The following ITGB5 variants were observed in gnomAD, a reference collection of about 807,000 sequenced individuals.
The protein encoded by ITGB5 is integrin beta-5.
A neutral mutation model predicts 84.8 loss-of-function variants in ITGB5; 38 were observed. The observed-to-expected ratio is 0.45, with a 90% CI of 0.35 to 0.59. The LOEUF is 0.59. ITGB5 is among the 20% of genes least tolerant of loss of function. The probability of loss-of-function intolerance (pLI) is 0.01; values close to 1 mark genes in which losing one functional copy is unlikely to be tolerated. For synonymous variants in ITGB5, 393 were observed against 414.4 expected, an observed-to-expected ratio of 0.95 and a Z score of 0.63; for missense variants, 905 against 1,034.5, an observed-to-expected ratio of 0.87 and a Z score of 1.72.
chr3:124,895,023 A>G (rs1438653425), intron 1 of ITGB5, among the ~76,000 whole-genome samples: 1 of 151,662 alleles, frequency 6.6e-6, no homozygotes, highest in Non-Finnish European at 1.5e-5. Context: ...CATGTGGCCC[A>G]CAGGCCACAG....
rs1934856479 is a variant in ITGB5 at position 124,887,073 on chromosome 3, A to G, written c.-73T>C. On this transcript the variant is annotated 5_prime_UTR_variant, in exon 1 of 15. Coordinates refer to ENST00000296181, the MANE Select transcript of ITGB5 (RefSeq NM_002213.5). ...GGCCGGCGGCCGGGGCTGGGGCCGG[A>G]GCGCGGGGGCCGAGGGCCGGGGGCC... 1.6e-6 allele frequency: 1 copy of G among 616,896 alleles called. No individual in the cohort carries two copies. The highest frequency in any genetic ancestry group is 2.0e-6 in the Non-Finnish European group (1 of 494,438). 38.2% of individuals were successfully genotyped at this position (616,896 alleles called of 1,614,324 possible).
chr3:124,833,765 A>G (rs914238028), intron 5 of ITGB5, among the ~76,000 whole-genome samples: 2 of 152,216 alleles, frequency 1.3e-5, no homozygotes, highest in African/African-American at 4.8e-5. Context: ...TTTAACAAGC[A>G]TCTGTTATGT....
intron 10 of ITGB5, among the ~76,000 whole-genome samples, chr3:124,785,571 C>T (rs552979564): frequency 2.9e-5 from 4 of 137,330 alleles, no homozygotes; most frequent in Non-Finnish European, 4.6e-5. Flanking sequence ...GGGAACAGAA[C>T]GAGACTCCAT....
At chr3:124,885,673 T>C (rs571052756) in intron 1 of ITGB5, among the ~76,000 whole-genome samples, 56 of 152,316 alleles carry the variant, frequency 3.7e-4, no homozygotes, top group African/African-American at 1.3e-3. Flanking sequence ...TAGGGACCCA[T>C]GAAAATATCC....
intron 13 of ITGB5, among the ~76,000 whole-genome samples, chr3:124,765,736 G>T (rs1474277832): frequency 6.6e-6 from 1 of 152,186 alleles, no homozygotes; most frequent in Admixed American, 6.5e-5. Flanking sequence ...GAGTGGAGCA[G>T]CAGTGACCTC....
chr3:124,889,460 C>T (rs1405502507), upstream of ITGB5, among the ~76,000 whole-genome samples: 2 of 152,188 alleles, frequency 1.3e-5, no homozygotes, highest in Non-Finnish European at 2.9e-5. Context: ...ACTGTAACCC[C>T]GACCACCTTG....
intron 1 of ITGB5, among the ~76,000 whole-genome samples, chr3:124,885,372 G>T (rs910363254): frequency 2.6e-5 from 4 of 152,026 alleles, no homozygotes; most frequent in Non-Finnish European, 1.5e-5. Context: ...CATCTCCTTT[G>T]GCAGTTTCTG....
At chr3:124,788,808 A>C (rs935980150) in intron 10 of ITGB5, among the ~76,000 whole-genome samples, 3 of 152,052 alleles carry the variant, frequency 2.0e-5, no homozygotes, top group Non-Finnish European at 2.9e-5. Context: ...ATGTGAAAAA[A>C]CCCGAAGAAT....
intron 10 of ITGB5, among the ~76,000 whole-genome samples, chr3:124,781,656 C>G (rs144487915): frequency 6.6e-6 from 1 of 152,150 alleles, no homozygotes; most frequent in Non-Finnish European, 1.5e-5. Flanking sequence ...GGGTTTCCTG[C>G]GCTTGTAAAC....
At chr3:124,877,019 A>G (rs991178582) in intron 1 of ITGB5, among the ~76,000 whole-genome samples, 2 of 151,372 alleles carry the variant, frequency 1.3e-5, no homozygotes, top group Non-Finnish European at 2.9e-5. Context: ...TGCCCAGGCT[A>G]GAGTGCAGTA....
At chr3:124,867,797 G>C (rs1422494507) in intron 2 of ITGB5, among the ~76,000 whole-genome samples, 1 of 152,110 alleles carries the variant, frequency 6.6e-6, no homozygotes, top group Middle Eastern at 3.2e-3. Flanking sequence ...AATGTTAGAG[G>C]GGAAACAAAA....
intron 10 of ITGB5, among the ~76,000 whole-genome samples, chr3:124,785,834 T>G (rs1419370744): frequency 2.0e-5 from 3 of 152,190 alleles, no homozygotes; most frequent in Non-Finnish European, 4.4e-5. Context: ...AAATATTTCC[T>G]AAAATTTTGA....
chr3:124,766,439 A>G, intron 12 of ITGB5, 94 bp from the exon 13 acceptor site: 1 of 1,485,196 alleles, frequency 6.7e-7, no homozygotes, highest in Middle Eastern at 1.8e-4. Context: ...TTGAAAAAGG[A>G]AAGGGCATGG....
At chr3:124,797,485 G>A (rs2064249287) in intron 9 of ITGB5, among the ~76,000 whole-genome samples, 1 of 152,204 alleles carries the variant, frequency 6.6e-6, no homozygotes, top group Non-Finnish European at 1.5e-5. Context: ...GTCTCCAACT[G>A]ATGAAATGCA....
chr3:124,778,956 T>A (rs181598331), intron 10 of ITGB5, among the ~76,000 whole-genome samples: 89 of 152,216 alleles, frequency 5.8e-4, no homozygotes, highest in Non-Finnish European at 1.0e-3. Flanking sequence ...TCAGTTCAGA[T>A]CCCTGGGTCA....
chr3:124,900,607 A>T (rs1296539698), intron 1 of ITGB5, among the ~76,000 whole-genome samples: 2 of 152,118 alleles, frequency 1.3e-5, no homozygotes, highest in Non-Finnish European at 2.9e-5. Flanking sequence ...ACTGAGAAGA[A>T]CACCCCCATA....
chr3:124,869,875 A>G (rs1347445084), intron 2 of ITGB5, among the ~76,000 whole-genome samples: 1 of 152,184 alleles, frequency 6.6e-6, no homozygotes, highest in African/African-American at 2.4e-5. Context: ...GAAAGAAGCT[A>G]TTTAAAGTAA....
chr3:124,842,248 GA>G (rs2065020462), intron 4 of ITGB5, among the ~76,000 whole-genome samples: 4 of 152,196 alleles, frequency 2.6e-5, no homozygotes, highest in Admixed American at 2.6e-4. Context: ...ACAAAAGAAG[GA>G]AGTATTACAC....
At position 124,796,384 on chromosome 3, in the gene ITGB5, T is replaced by C; in HGVS notation, c.1693+4A>G. On this transcript the variant is annotated splice_donor_region_variant and intron_variant, in intron 10 of 14. Coordinates refer to ENST00000296181, the MANE Select transcript of ITGB5 (RefSeq NM_002213.5). ...GAGCTAAAGTGCTTGCTGGGGACACTTACCTGAGCAGAGGACTCCCTTGTT... is the reference window on the plus strand; with the variant it reads ...GAGCTAAAGTGCTTGCTGGGGACACCTACCTGAGCAGAGGACTCCCTTGTT... 1 of 1,597,868 alleles carries C rather than the reference T, an allele frequency of 6.3e-7. No individual in the cohort carries two copies. Among genetic ancestry groups the C allele is most frequent in the Middle Eastern group, 1.7e-4 (1 of 6,000 alleles).
Sources: gnomAD v4.1 joint callset for allele counts (sites outside exome capture counted in the v4.1 genomes callset) on GRCh38, gnomAD v4.1.1 for gene constraint, MANE v1.5 for transcripts, NCBI Gene and HGNC (gene_info 2026-07-23, HGNC 2026-07-21) for gene names.